TBCCD1: variants seen among roughly 807,000 people sequenced by gnomAD.
TBCCD1 encodes the protein TBCC domain containing 1.
A neutral mutation model predicts 53.4 loss-of-function variants in TBCCD1; 26 were observed. The observed-to-expected ratio is 0.49, with a 90% CI of 0.36 to 0.68. The LOEUF (loss-of-function observed/expected upper bound fraction) is 0.68. Ranked by LOEUF, TBCCD1 falls within the 30% of genes least tolerant of loss-of-function variation. The pLI is 0.00. For missense variants in TBCCD1, 558 were observed against 669.5 expected (o/e 0.83, Z 1.84); for synonymous variants, 245 against 241.7 (o/e 1.01, Z -0.13).
chr3:186,567,939 G>A (rs913053208), upstream of TBCCD1, among the ~76,000 whole-genome samples: 4 of 152,118 alleles, frequency 2.6e-5, no homozygotes, highest in East Asian at 1.9e-4. Context: ...TCAGATTACC[G>A]GGCAGAAGCC....
intron 3 of TBCCD1, 150 bp from the exon 4 acceptor site, chr3:186,556,925 G>T: frequency 1.0e-6 from 1 of 975,638 alleles, no homozygotes; most frequent in Non-Finnish European, 1.4e-6. Flanking sequence ...GATCCGCCCG[G>T]CTTGGCCTCA....
chr3:186,551,378 T>C, intron 6 of TBCCD1, 99 bp from the exon 7 acceptor site: 13 of 1,175,768 alleles, frequency 1.1e-5, no homozygotes, highest in African/African-American at 1.6e-5. Flanking sequence ...TAATGTTAAA[T>C]GATTAATTAT....
intron 1 of TBCCD1, among the ~76,000 whole-genome samples, chr3:186,564,885 AG>A (rs1714782729): frequency 6.6e-6 from 1 of 152,240 alleles, no homozygotes; most frequent in Non-Finnish European, 1.5e-5. Flanking sequence ...CTGCAAGAAT[AG>A]ATCAGGAGAA....
At chr3:186,570,362 T>C (rs866404259), upstream of TBCCD1, 3 of 514,754 alleles carry the variant, frequency 5.8e-6, no homozygotes, top group Non-Finnish European at 1.0e-5. Flanking sequence ...TCTCCCACAA[T>C]TGGTTGGTGC....
At chr3:186,558,854 T>G (rs1714616061) in intron 2 of TBCCD1, among the ~76,000 whole-genome samples, 1 of 152,190 alleles carries the variant, frequency 6.6e-6, no homozygotes, top group Non-Finnish European at 1.5e-5. Flanking sequence ...GAGATTCTCC[T>G]GCCTCTGCCT....
chr3:186,570,361 A>G (rs1714982300), upstream of TBCCD1: 1 of 514,716 alleles, frequency 1.9e-6, no homozygotes, highest in Admixed American at 3.4e-5. Context: ...CTCTCCCACA[A>G]TTGGTTGGTG....
intron 2 of TBCCD1, among the ~76,000 whole-genome samples, chr3:186,559,261 T>C (rs1160966811): frequency 6.6e-6 from 1 of 152,206 alleles, no homozygotes; most frequent in Admixed American, 6.5e-5. Flanking sequence ...AAAATTCAGT[T>C]AAGACAGAGG....
Position 186,554,934 on chromosome 3 carries a change from C to T in TBCCD1, c.1010G>A (p.Cys337Tyr). 1 of 1,613,732 alleles carries T rather than the reference C, an allele frequency of 6.2e-7. No individual in the cohort carries two copies. The highest frequency in any genetic ancestry group is 8.5e-7 in the Non-Finnish European group (1 of 1,180,036). ...LAGAHVKIHRCNESFIYLLSP... is the reference protein window; with the variant it reads ...LAGAHVKIHRYNESFIYLLSP... ...GAGCAGATATATAAAAGATTCGTTG[C>T]AACGATGAATCTTTACATGTGCCCC... The change falls in exon 5 of 8, where the codon TGC (cysteine) becomes TAC (tyrosine). Residue 337 changes from cysteine (C) to tyrosine (Y), a missense_variant. Physicochemically the swap from Cys to Tyr is radical, Grantham distance 194. Coordinates refer to ENST00000338733, the MANE Select transcript of TBCCD1 (RefSeq NM_018138.5).
intron 1 of TBCCD1, 83 bp from the exon 2 acceptor site, chr3:186,564,455 C>A (rs1560230239): frequency 1.2e-6 from 1 of 862,240 alleles, no homozygotes; most frequent in Non-Finnish European, 1.7e-6. Flanking sequence ...CCCTCTCTCT[C>A]AACTGTGTCA....
chr3:186,565,096 CCTT>C (rs1173884853), intron 1 of TBCCD1, among the ~76,000 whole-genome samples: 127 of 148,724 alleles, frequency 8.5e-4, no homozygotes, highest in Middle Eastern at 3.5e-3. Context: ...TATTGTATTT[CCTT>C]CTTCTTCTTC....
Position 186,557,762 on chromosome 3 carries a change from A to T in TBCCD1, c.492+655T>A, listed in dbSNP as rs146102398. Among the ~76,000 whole-genome samples the T allele has an allele frequency of 1.5e-3, 232 of 152,328 alleles. 1 individual carries two copies. The highest frequency in any genetic ancestry group is 4.9e-3 in the African/African-American group (202 of 41,586). On this transcript the variant is annotated intron_variant, in intron 3 of 7. Coordinates refer to ENST00000338733, the MANE Select transcript of TBCCD1 (RefSeq NM_018138.5). ...ATGGAATATAAAGGAGGAGAGACTT[A>T]TTAAAAAGGAGATTAGAAAAGTTCC... is the stretch of plus-strand genomic sequence containing the variant.
rs1714363339 is a variant in TBCCD1 at position 186,551,188 on chromosome 3, C to G, written c.1636G>C (p.Val546Leu). The G allele has an allele frequency of 3.1e-6, 5 of 1,612,468 alleles. No individual in the cohort carries two copies. Among genetic ancestry groups the G allele is most frequent in the Non-Finnish European group, 2.5e-6 (3 of 1,179,966 alleles). ...TGHRQQLDSL[V>L]PPAAGSKQAA... Reference sequence around the variant, plus strand: ...TGTTTGGAGCCTGCTGCAGGGGGTACAAGGCTGTCCAGCTGTTGGCGATGT... The same window carrying G: ...TGTTTGGAGCCTGCTGCAGGGGGTAGAAGGCTGTCCAGCTGTTGGCGATGT... The change falls in exon 7 of 8, where the codon GTA becomes CTA. Residue 546 changes from valine (V) to leucine (L), a missense_variant. Val to Leu is a conservative substitution (Grantham distance 32, BLOSUM62 1). Coordinates refer to ENST00000338733, the MANE Select transcript of TBCCD1 (RefSeq NM_018138.5).
At chr3:186,553,497 C>T (rs1714435957) in intron 6 of TBCCD1, 1 of 151,834 alleles carries the variant, frequency 6.6e-6, no homozygotes, top group Admixed American at 6.6e-5. Context: ...GAAGTCAGAA[C>T]AGAGAAAAAA....
intron 7 of TBCCD1, among the ~76,000 whole-genome samples, chr3:186,550,273 C>A (rs1443703341): frequency 6.7e-6 from 1 of 149,396 alleles, no homozygotes; most frequent in Non-Finnish European, 1.5e-5. Context: ...GTATACTAAT[C>A]TCTATTAAAA....
upstream of TBCCD1, among the ~76,000 whole-genome samples, chr3:186,569,233 G>A (rs1212539521): frequency 1.3e-5 from 2 of 152,066 alleles, no homozygotes; most frequent in African/African-American, 2.4e-5. Context: ...CATGGAGTTG[G>A]GATTTTATTC....
intron 6 of TBCCD1, chr3:186,553,571 G>A (rs1297067299): frequency 6.6e-6 from 1 of 152,206 alleles, no homozygotes; most frequent in East Asian, 1.9e-4. Context: ...TTTGGGTAAA[G>A]TACTTAATTC....
chr3:186,557,496 T>C (rs1379751710), intron 3 of TBCCD1, among the ~76,000 whole-genome samples: 3 of 152,204 alleles, frequency 2.0e-5, no homozygotes, highest in Non-Finnish European at 2.9e-5. Context: ...ATTTAAGCTA[T>C]AGCTAGGGCA....
chr3:186,557,230 AT>A (rs1714569528), intron 3 of TBCCD1, among the ~76,000 whole-genome samples: 1 of 152,240 alleles, frequency 6.6e-6, no homozygotes, highest in African/African-American at 2.4e-5. Context: ...ATGCTAATAT[AT>A]TACTGAAGTC....
intron 2 of TBCCD1, among the ~76,000 whole-genome samples, chr3:186,560,261 T>C (rs1055578852): frequency 6.6e-6 from 1 of 152,194 alleles, no homozygotes; most frequent in Admixed American, 6.5e-5. Context: ...ATGCCCAGCA[T>C]CCACTACTAT....
Sources: allele counts gnomAD v4.1 joint callset (sites outside exome capture counted in the v4.1 genomes callset), GRCh38; gene constraint gnomAD v4.1.1; transcripts MANE v1.5; gene names NCBI Gene and HGNC (gene_info 2026-07-23, HGNC 2026-07-21).